Variants in ANO2 observed in about 807,000 individuals in gnomAD.
ANO2 encodes the protein anoctamin-2.
In ANO2, 101 loss-of-function variants were observed where a neutral mutation model predicts 124.2. That is an observed-to-expected ratio of 0.81 (90% CI 0.69 to 0.96). The LOEUF (loss-of-function observed/expected upper bound fraction) is 0.96. ANO2 is among the 40% of genes least tolerant of loss of function. ANO2 has a pLI of 0.00. For synonymous variants in ANO2, 486 were observed against 482.5 expected (o/e 1.01, Z -0.09); for missense variants, 1,293 against 1,274.5 (o/e 1.01, Z -0.22).
intron 20 of ANO2, among the ~76,000 whole-genome samples, chr12:5,587,043 G>T (rs927604607): frequency 6.6e-6 from 1 of 152,190 alleles, no homozygotes; most frequent in African/African-American, 2.4e-5. Flanking sequence ...TTCATGAAAG[G>T]TAACGTCTGC....
In ANO2 at chr12:5,827,800, G is replaced by A. The variant is rs746267966; in HGVS notation, c.861C>T (p.Arg287=). The A allele has an allele frequency of 6.2e-7, 1 of 1,611,726 alleles. No individual in the cohort carries two copies. Among genetic ancestry groups the A allele is most frequent in the South Asian group, 1.1e-5 (1 of 90,418 alleles). Residue 287 remains arginine (R), a synonymous_variant, in exon 7 of 25, where the codon CGC becomes CGT. Transcript: ENST00000682330. ...RSRIVHEILK[R]TACSRANNTM... ...TGTTGTTGGCTCGGGAGCAGGCTGT[G>A]CGCTTCAGGATCTCGTGCACCTAAA... is the stretch of plus-strand genomic sequence containing the variant.
chr12:5,898,057 C>G (rs1285029769), intron 3 of ANO2, among the ~76,000 whole-genome samples: 2 of 151,836 alleles, frequency 1.3e-5, no homozygotes, highest in Non-Finnish European at 2.9e-5. Context: ...AGGGAGACAA[C>G]CCATTTTTTT....
At chr12:5,619,615 T>G (rs998816423) in intron 16 of ANO2, among the ~76,000 whole-genome samples, 1 of 152,124 alleles carries the variant, frequency 6.6e-6, no homozygotes, top group African/African-American at 2.4e-5. Flanking sequence ...GGGCCTTAAT[T>G]TTTCCTGTGA....
At chr12:5,759,543 T>C (rs1004083702) in intron 10 of ANO2, among the ~76,000 whole-genome samples, 1 of 150,526 alleles carries the variant, frequency 6.6e-6, no homozygotes, top group Non-Finnish European at 1.5e-5. Flanking sequence ...CTGCTTCCTA[T>C]CAGATCAGCA....
intron 20 of ANO2, among the ~76,000 whole-genome samples, chr12:5,586,697 C>A (rs530469459): frequency 1.4e-4 from 22 of 152,222 alleles, no homozygotes; most frequent in Non-Finnish European, 2.4e-4. Flanking sequence ...TAATAAGTGT[C>A]CACTTTCACC....
At chr12:5,734,614 G>C (rs1591540442) in intron 13 of ANO2, among the ~76,000 whole-genome samples, 3 of 152,050 alleles carry the variant, frequency 2.0e-5, no homozygotes, top group African/African-American at 7.2e-5. Context: ...CCCCATGCTG[G>C]GCCCCAGTTC....
chr12:5,809,294 G>A lies in ANO2; in HGVS notation c.893-1926C>T, dbSNP rs61909775. Among the ~76,000 whole-genome samples, 262 of 152,186 alleles carry A rather than the reference G, an allele frequency of 1.7e-3. 1 individual carries two copies. Among genetic ancestry groups the A allele is most frequent in the Non-Finnish European group, 2.8e-3 (188 of 68,014 alleles). On this transcript the variant is annotated intron_variant, in intron 7 of 24. Coordinates refer to ENST00000682330, the MANE Select transcript of ANO2 (RefSeq NM_001364791.2). ...TAATCAAAGGGAGGAGTCCCAAGCC[G>A]GGAGGGGAGTTTGTGGGAGTTTGTA...
At chr12:5,603,960 A>AG (rs1555097169) in intron 19 of ANO2, among the ~76,000 whole-genome samples, 3 of 151,318 alleles carry the variant, frequency 2.0e-5, no homozygotes, top group African/African-American at 7.3e-5. Flanking sequence ...AAAAAAAAAA[A>AG]AAAAAGAAAA....
In ANO2 at chr12:5,922,814, G is replaced by A. The variant is rs574045951; in HGVS notation, c.23-10C>T. 4.1e-6 allele frequency: 6 copies of A among 1,481,010 alleles called. No homozygotes were observed. Among genetic ancestry groups the A allele is most frequent in the South Asian group, 2.8e-5 (2 of 72,014 alleles). 91.7% of individuals were successfully genotyped at this position (1,481,010 alleles called of 1,614,324 possible). A position where few individuals can be genotyped will look rare whatever the true frequency, so the allele number is the denominator to read the frequency against. On this transcript the variant is annotated splice_polypyrimidine_tract_variant and intron_variant, in intron 1 of 24. Transcript: ENST00000682330. ...GGGAGCAGGGGTATATCTGTGAGAG[G>A]GAAAGACAAGGGAGGCAAAACAGCC...
intron 14 of ANO2, among the ~76,000 whole-genome samples, chr12:5,702,277 T>C (rs909991250): frequency 6.6e-6 from 1 of 152,140 alleles, no homozygotes; most frequent in Non-Finnish European, 1.5e-5. Context: ...CTACACTGAC[T>C]GCTGCAGAAT....
At chr12:5,725,759 G>T (rs979416249) in intron 14 of ANO2, among the ~76,000 whole-genome samples, 10 of 151,904 alleles carry the variant, frequency 6.6e-5, no homozygotes, top group Middle Eastern at 3.2e-3. Flanking sequence ...TTCCTGCCAT[G>T]CTAATCTCTC....
At chr12:5,916,491 T>TAAAAAAAAAAAAAAAAAAAAAAAA (rs769233593) in intron 3 of ANO2, among the ~76,000 whole-genome samples, 2 of 98,124 alleles carry the variant, frequency 2.0e-5, no homozygotes, top group Non-Finnish European at 2.0e-5. Flanking sequence ...TCGCAGCAGG[T>TAAAAAAAAAAAAAAAAAAAAAAAA]TAAAAAAAAA....
At chr12:5,602,073 C>T (rs769298601) in intron 19 of ANO2, among the ~76,000 whole-genome samples, 7 of 152,112 alleles carry the variant, frequency 4.6e-5, no homozygotes, top group Middle Eastern at 3.4e-3. Context: ...CTTCCCAATA[C>T]CAACAGGGGC....
chr12:5,602,973 G>T (rs1944015210), intron 19 of ANO2, among the ~76,000 whole-genome samples: 1 of 152,230 alleles, frequency 6.6e-6, no homozygotes, highest in South Asian at 2.1e-4. Context: ...TTTTAAGTAT[G>T]CAAGGTTTCA....
rs1955396530 is a variant in ANO2 at position 5,865,503 on chromosome 12, C to T, written c.535-11362G>A. ...CATTCACACCATCATACATTTACAC[C>T]AGCATGCCATCACACCATCATACAT... is the stretch of plus-strand genomic sequence containing the variant. On this transcript the variant is annotated intron_variant, in intron 3 of 24. Transcript: ENST00000682330. Among the ~76,000 whole-genome samples the T allele has an allele frequency of 3.3e-5, 5 of 151,314 alleles. No homozygotes were observed. In the South Asian group the frequency reaches 1.1e-3, roughly 32 times the overall value.
At chr12:5,582,137 C>G (rs535758239) in intron 20 of ANO2, among the ~76,000 whole-genome samples, 1 of 152,192 alleles carries the variant, frequency 6.6e-6, no homozygotes, top group Non-Finnish European at 1.5e-5. Context: ...AGAATAAGAG[C>G]AACACCGGAA....
At chr12:5,681,658 T>C (rs1203916879) in intron 14 of ANO2, among the ~76,000 whole-genome samples, 2 of 152,232 alleles carry the variant, frequency 1.3e-5, no homozygotes, top group Non-Finnish European at 2.9e-5. Flanking sequence ...CTGGAGGAAA[T>C]GTACTCTCTT....
chr12:5,732,493 C>T, intron 14 of ANO2, 27 bp downstream of exon 14: 1 of 1,582,228 alleles, frequency 6.3e-7, no homozygotes, highest in Admixed American at 1.7e-5. Context: ...GTAAAGAGGA[C>T]CGTGAGCAGC....
chr12:5,827,902 A>G lies in ANO2; in HGVS notation c.841-82T>C, dbSNP rs1057141297. 6.1e-6 allele frequency: 9 copies of G among 1,476,672 alleles called. No individual in the cohort carries two copies. In the South Asian group the frequency reaches 1.1e-4, roughly 19 times the overall value. The allele number at this position is 1,476,672 out of a possible 1,614,324, so 91.5% of individuals were successfully genotyped here. A position where few individuals can be genotyped will look rare whatever the true frequency, so the allele number is the denominator to read the frequency against. ...TGTGTCACCCTCACCACTGCCTGGC[A>G]GGGGCGGGAGGCGCCCGGGCTCATT... is the stretch of plus-strand genomic sequence containing the variant. On this transcript the variant is annotated intron_variant, in intron 6 of 24. Coordinates refer to ENST00000682330, the MANE Select transcript of ANO2 (RefSeq NM_001364791.2).
Sources: allele counts gnomAD v4.1 joint callset (sites outside exome capture counted in the v4.1 genomes callset), GRCh38; gene constraint gnomAD v4.1.1; transcripts MANE v1.5; gene names NCBI Gene and HGNC (gene_info 2026-07-23, HGNC 2026-07-21).